SYNPO2: variants seen among roughly 807,000 people sequenced by gnomAD.
SYNPO2 encodes the protein synaptopodin 2.
Under a neutral mutation model 85.0 loss-of-function variants are expected in SYNPO2, and 56 were observed. That is an observed-to-expected ratio of 0.66 (90% CI 0.53 to 0.82). The LOEUF is 0.82. SYNPO2 is among the 40% of genes least tolerant of loss of function. The pLI is 0.00. For missense variants in SYNPO2, 1,575 were observed against 1,534.2 expected, an observed-to-expected ratio of 1.03 and a Z score of -0.44; for synonymous variants, 602 against 591.1, an observed-to-expected ratio of 1.02 and a Z score of -0.27.
At chr4:118,938,121 G>A (rs1375263298) in intron 1 of SYNPO2, among the ~76,000 whole-genome samples, 1 of 152,130 alleles carries the variant, frequency 6.6e-6, no homozygotes, top group Admixed American at 6.6e-5. Context: ...GGCCAACACG[G>A]CGAAACCTCA....
At chr4:119,021,297 A>G (rs73842533) in intron 1 of SYNPO2, among the ~76,000 whole-genome samples, 7,793 of 152,270 alleles carry the variant, frequency 0.051, 697 homozygotes, top group African/African-American at 0.18. Context: ...GAGTTAATAT[A>G]TGAATTATCA....
intron 1 of SYNPO2, among the ~76,000 whole-genome samples, chr4:118,917,182 A>T (rs1037693480): frequency 3.9e-5 from 6 of 152,332 alleles, no homozygotes; most frequent in Non-Finnish European, 7.4e-5. Context: ...GCCTGACGTC[A>T]GGAGTTTGAG....
At chr4:119,024,983 A>C (rs1737877655) in intron 2 of SYNPO2, among the ~76,000 whole-genome samples, 1 of 152,236 alleles carries the variant, frequency 6.6e-6, no homozygotes, top group East Asian at 1.9e-4. Flanking sequence ...AAGATTTTAA[A>C]AATTCTATAA....
chr4:118,938,888 A>G (rs1218101099), intron 1 of SYNPO2, among the ~76,000 whole-genome samples: 2 of 152,206 alleles, frequency 1.3e-5, no homozygotes, highest in African/African-American at 4.8e-5. Flanking sequence ...TTTTATTTTT[A>G]TAAACTTCAC....
Position 119,060,421 on chromosome 4 carries a change from C to A in SYNPO2, c.*2487C>A, listed in dbSNP as rs1167491021. On this transcript the variant is annotated 3_prime_UTR_variant, in exon 5 of 5. Transcript: ENST00000307142. ...GATATGAACCTGAAAATCAAAGTGC[C>A]ATTGTTAAATCATCCTAAAGTGTAC... The A allele has an allele frequency of 1.3e-5, 2 of 151,700 alleles. No homozygotes were observed. Among genetic ancestry groups the A allele is most frequent in the African/African-American group, 4.9e-5 (2 of 41,160 alleles). The allele number at this position is 151,700 out of a possible 1,614,324, so 9.4% of individuals were successfully genotyped here. A position where few individuals can be genotyped will look rare whatever the true frequency, so the allele number is the denominator to read the frequency against.
chr4:119,015,809 A>G (rs770737417), intron 1 of SYNPO2, among the ~76,000 whole-genome samples: 3 of 152,186 alleles, frequency 2.0e-5, no homozygotes, highest in Non-Finnish European at 2.9e-5. Context: ...TATTGAGCAT[A>G]TGAGAGTTTT....
At chr4:118,946,339 G>A (rs1227189543) in intron 1 of SYNPO2, among the ~76,000 whole-genome samples, 2 of 152,172 alleles carry the variant, frequency 1.3e-5, no homozygotes, top group Admixed American at 6.5e-5. Flanking sequence ...GAAGGCATCC[G>A]TTAAAAGCAA....
intron 3 of SYNPO2, among the ~76,000 whole-genome samples, chr4:119,027,672 T>C (rs987045123): frequency 2.6e-5 from 4 of 152,228 alleles, no homozygotes; most frequent in African/African-American, 9.6e-5. Flanking sequence ...AATTTCTTTT[T>C]ATCCCCAAAG....
At chr4:118,898,504 A>G (rs1193884642) in intron 1 of SYNPO2, among the ~76,000 whole-genome samples, 1 of 152,222 alleles carries the variant, frequency 6.6e-6, no homozygotes, top group Non-Finnish European at 1.5e-5. Flanking sequence ...TAACCATAAC[A>G]TTGGTTTTAT....
chr4:119,054,608 C>T (rs552526370), intron 4 of SYNPO2, among the ~76,000 whole-genome samples: 27 of 152,222 alleles, frequency 1.8e-4, no homozygotes, highest in African/African-American at 6.3e-4. Flanking sequence ...TGGCCGTCTC[C>T]TCTAAGGTCC....
Position 119,026,705 on chromosome 4 carries a change from T to TGTACCCCCCTGCAGGGGGGTACCACACAG in SYNPO2, c.338_339insACCCCCCTGCAGGGGGGTACCACACAGGT (p.Glu114ProfsTer39), listed in dbSNP as rs1359241799. The TGTACCCCCCTGCAGGGGGGTACCACACAG allele has an allele frequency of 1.9e-6, 3 of 1,613,578 alleles. No homozygotes were observed. In the East Asian group the frequency reaches 6.7e-5, roughly 36 times the overall value. On this transcript the variant is annotated frameshift_variant, in exon 3 of 5. Transcript: ENST00000307142. LOFTEE classifies it high-confidence loss of function. ...TCGAGCATCTCACACATGGGGGTTA[T>TGTACCCCCCTGCAGGGGGGTACCACACAG]GTGGAAAGTACCACCCTGCAGATTC...
chr4:119,039,674 A>G (rs527332853), intron 4 of SYNPO2, among the ~76,000 whole-genome samples: 277 of 152,326 alleles, frequency 1.8e-3, no homozygotes, highest in African/African-American at 6.3e-3. Flanking sequence ...AGCATCACAT[A>G]TTACCAGAGT....
rs72671606 is a variant in SYNPO2, at chr4:118,896,592, A to T, written c.105+7451A>T. On this transcript the variant is annotated intron_variant, in intron 1 of 4. Coordinates refer to ENST00000307142, the MANE Select transcript of SYNPO2 (RefSeq NM_133477.3). ...TGACAACCTCAATGAGAACATGTTTATGGTTTTGGATTACTTTAGGCACCT... is the reference window on the plus strand; with the variant it reads ...TGACAACCTCAATGAGAACATGTTTTTGGTTTTGGATTACTTTAGGCACCT... 7.9e-5 allele frequency among the ~76,000 whole-genome samples: 12 copies of T among 152,220 alleles called. No individual in the cohort carries two copies. In the East Asian group the frequency reaches 2.3e-3, roughly 29 times the overall value.
chr4:118,871,654 C>T (rs1478729560), intron 1 of SYNPO2, among the ~76,000 whole-genome samples: 3 of 151,332 alleles, frequency 2.0e-5, no homozygotes, highest in Non-Finnish European at 2.9e-5. Flanking sequence ...CTGCAAGCTC[C>T]GCCTTCCGGG....
intron 1 of SYNPO2, among the ~76,000 whole-genome samples, chr4:119,005,136 C>T (rs548628057): frequency 1.3e-5 from 2 of 152,248 alleles, no homozygotes; most frequent in African/African-American, 4.8e-5. Flanking sequence ...AGCCCTTTGT[C>T]AGATGAGTAG....
intron 1 of SYNPO2, among the ~76,000 whole-genome samples, chr4:118,910,067 T>C (rs1443956629): frequency 6.6e-6 from 1 of 152,234 alleles, no homozygotes; most frequent in East Asian, 1.9e-4. Context: ...ATCATTCATG[T>C]AGCTAAAGTA....
At chr4:118,874,487 A>G (rs1426819) in intron 1 of SYNPO2, among the ~76,000 whole-genome samples, 22,797 of 152,192 alleles carry the variant, frequency 0.15, 1,802 homozygotes, top group East Asian at 0.21. Flanking sequence ...ATAAACTGGA[A>G]CTAAAACCAG....
At chr4:118,973,436 C>T (rs924607310) in intron 1 of SYNPO2, among the ~76,000 whole-genome samples, 3 of 151,708 alleles carry the variant, frequency 2.0e-5, no homozygotes, top group African/African-American at 4.8e-5. Flanking sequence ...CAGCATAGCA[C>T]GTATGATATG....
At chr4:119,027,466 G>A (rs1467889037) in intron 3 of SYNPO2, 28 bp downstream of exon 3, 3 of 1,521,916 alleles carry the variant, frequency 2.0e-6, no homozygotes, top group East Asian at 2.3e-5. Context: ...TTTCAGAAGG[G>A]GCTTGGGAGT....
Sources: allele counts gnomAD v4.1 joint callset (sites outside exome capture counted in the v4.1 genomes callset), GRCh38; gene constraint gnomAD v4.1.1; transcripts MANE v1.5; gene names NCBI Gene and HGNC (gene_info 2026-07-23, HGNC 2026-07-21).